TUB: variants seen among roughly 807,000 people sequenced by gnomAD.
The protein encoded by TUB is TUB bipartite transcription factor.
TUB carries 33 observed loss-of-function variants against 59.7 expected under a neutral mutation model. That is an observed-to-expected ratio of 0.55 (90% confidence interval 0.42 to 0.74). TUB has a LOEUF of 0.74. TUB is among the 30% of genes least tolerant of loss of function. The pLI is 0.00. For synonymous variants in TUB, 293 were observed against 256.4 expected (o/e 1.14, Z -1.36); for missense variants, 659 against 672.0 (o/e 0.98, Z 0.21).
chr11:8,104,862 T>TAAGAGAACTTTCGG lies in TUB; in HGVS notation c.*3245_*3258dup, dbSNP rs1458424501. 6.6e-6 allele frequency: 1 copy of TAAGAGAACTTTCGG among 150,852 alleles called. No homozygotes were observed. Among genetic ancestry groups the TAAGAGAACTTTCGG allele is most frequent in the African/African-American group, 2.4e-5 (1 of 41,050 alleles). 9.3% of individuals were successfully genotyped at this position (150,852 alleles called of 1,614,324 possible). On this transcript the variant is annotated 3_prime_UTR_variant, in exon 12 of 12. Coordinates refer to ENST00000299506, the MANE Select transcript of TUB (RefSeq NM_177972.3). ...CCAGGACTGTGATAATCAGAAGCTA[T>TAAGAGAACTTTCGG]AAGAGAACTTTCGGAGCCTGCCTCC...
chr11:8,084,421 T>C (rs1229200587), intron 1 of TUB, among the ~76,000 whole-genome samples: 1 of 152,242 alleles, frequency 6.6e-6, no homozygotes, highest in Non-Finnish European at 1.5e-5. Context: ...CCAGTTTCTC[T>C]TTACCTGTGT....
chr11:8,037,154 A>T (rs1942658440), upstream of TUB, among the ~76,000 whole-genome samples: 1 of 152,214 alleles, frequency 6.6e-6, no homozygotes, highest in Non-Finnish European at 1.5e-5. Flanking sequence ...CCCACCTGGC[A>T]GGTGCCGGCA....
At chr11:8,080,953 G>GGGA (rs1564913385), upstream of TUB, among the ~76,000 whole-genome samples, 1 of 152,244 alleles carries the variant, frequency 6.6e-6, no homozygotes, top group East Asian at 1.9e-4. Context: ...CAGGTACACA[G>GGGA]GGAGGTGTTC....
chr11:8,054,416 C>T (rs1942983240), intron 2 of TUB, among the ~76,000 whole-genome samples: 1 of 152,110 alleles, frequency 6.6e-6, no homozygotes, highest in Non-Finnish European at 1.5e-5. Context: ...TCCACATGCC[C>T]CTCCTTGGGC....
chr11:8,085,400 A>T (rs1943647259), intron 1 of TUB, among the ~76,000 whole-genome samples: 1 of 152,224 alleles, frequency 6.6e-6, no homozygotes, highest in South Asian at 2.1e-4. Flanking sequence ...GGGACGGCAC[A>T]TCCTGGGAGG....
chr11:8,033,591 C>T (rs1942605842), intron 1 of TUB, among the ~76,000 whole-genome samples: 1 of 152,196 alleles, frequency 6.6e-6, no homozygotes, highest in Non-Finnish European at 1.5e-5. Flanking sequence ...TACCTGCCTG[C>T]TTATACTCCT....
At chr11:8,020,351 A>G (rs2133692809) in intron 1 of TUB, among the ~76,000 whole-genome samples, 1 of 152,054 alleles carries the variant, frequency 6.6e-6, no homozygotes, top group Admixed American at 6.5e-5. Context: ...TCCTTCCCTT[A>G]ACTCTGCCAA....
At position 8,100,975 on chromosome 11, in the gene TUB, C is replaced by T. The variant is rs1944269159; in HGVS notation, c.1365C>T (p.Phe455=). ...GRVTQASVKN[F]QIIHGNDPDY... ...TCACACAGGCCTCCGTGAAGAACTTCCAGATCATCCATGGCAATGACCGTG... is the reference window on the plus strand; with the variant it reads ...TCACACAGGCCTCCGTGAAGAACTTTCAGATCATCCATGGCAATGACCGTG... The change falls in exon 11 of 12, where the codon TTC becomes TTT. Residue 455 remains phenylalanine (F), a synonymous_variant. Transcript: ENST00000299506. 9.3e-6 allele frequency: 15 copies of T among 1,614,062 alleles called. No homozygotes were observed. Among genetic ancestry groups the T allele is most frequent in the Admixed American group, 1.7e-5 (1 of 60,002 alleles).
intron 2 of TUB, among the ~76,000 whole-genome samples, chr11:8,063,952 TG>T (rs1319998077): frequency 2.0e-5 from 3 of 152,212 alleles, no homozygotes; most frequent in Non-Finnish European, 4.4e-5. Flanking sequence ...TTAATGCCGT[TG>T]TTTCAATGAT....
Position 8,081,507 on chromosome 11 carries a change from A to G in TUB, c.-4A>G, listed in dbSNP as rs1378707299. ...CCGCAGCCACCGCCCCGCCCCCGAGAGACATGACTTCCAAGCCGCATTCCG... is the reference window on the plus strand; with the variant it reads ...CCGCAGCCACCGCCCCGCCCCCGAGGGACATGACTTCCAAGCCGCATTCCG... On this transcript the variant is annotated 5_prime_UTR_variant, in exon 1 of 12. Coordinates refer to ENST00000299506, the MANE Select transcript of TUB (RefSeq NM_177972.3). The G allele has an allele frequency of 2.0e-6, 3 of 1,537,592 alleles. No individual in the cohort carries two copies. The highest frequency in any genetic ancestry group is 1.2e-5 in the South Asian group (1 of 83,754).
At chr11:8,080,157 C>G (rs544434746), upstream of TUB, among the ~76,000 whole-genome samples, 31 of 152,300 alleles carry the variant, frequency 2.0e-4, no homozygotes. Flanking sequence ...TCCTGACCGC[C>G]TATTTATCAT....
chr11:8,037,345 G>A (rs572172121), upstream of TUB, among the ~76,000 whole-genome samples: 17 of 152,304 alleles, frequency 1.1e-4, 1 homozygote, highest in African/African-American at 3.1e-4. Flanking sequence ...GATGAGATGC[G>A]CTTCTCAGCT....
rs1433190739 is a variant in TUB, at chr11:8,081,332, A to G, written c.-179A>G. On this transcript the variant is annotated 5_prime_UTR_variant, in exon 1 of 12. Coordinates refer to ENST00000299506, the MANE Select transcript of TUB (RefSeq NM_177972.3). ...TCTCGCCTCGCCGCGCCGCGCAGGCAGCCGCTCGCAGAGCCAGCAGCCGGG... is the reference window on the plus strand; with the variant it reads ...TCTCGCCTCGCCGCGCCGCGCAGGCGGCCGCTCGCAGAGCCAGCAGCCGGG... The G allele has an allele frequency of 1.0e-6, 1 of 977,238 alleles. No individual in the cohort carries two copies. 60.5% of individuals were successfully genotyped at this position (977,238 alleles called of 1,614,324 possible).
At chr11:8,060,660 T>A (rs1425209530) in intron 2 of TUB, among the ~76,000 whole-genome samples, 1 of 152,068 alleles carries the variant, frequency 6.6e-6, no homozygotes, top group Non-Finnish European at 1.5e-5. Context: ...AGTGTGGAAA[T>A]CTAGTCCCAC....
chr11:8,021,920 A>G (rs1408973915), intron 1 of TUB, among the ~76,000 whole-genome samples: 1 of 151,372 alleles, frequency 6.6e-6, no homozygotes, highest in African/African-American at 2.4e-5. Context: ...CAGCTCAAAA[A>G]AAAAAAAAAA....
In TUB at chr11:8,098,821, A is replaced by G. The variant is rs770123539; in HGVS notation, c.1062A>G (p.Ser354=). The G allele has an allele frequency of 3.1e-6, 5 of 1,614,210 alleles. No homozygotes were observed. The highest frequency in any genetic ancestry group is 2.5e-6 in the Non-Finnish European group (3 of 1,180,040). ...ATGGAGTCAACCCTCAGAAGGCCTC[A>G]TCCTCCACTTTGGAAAGTGGAACCT... ...YDNGVNPQKA[S]SSTLESGTLR... The change falls in exon 9 of 12, where the codon TCA becomes TCG. Residue 354 remains serine, a synonymous_variant. Coordinates refer to ENST00000299506, the MANE Select transcript of TUB (RefSeq NM_177972.3).
At chr11:8,027,406 T>C (rs538329619) in intron 1 of TUB, among the ~76,000 whole-genome samples, 119 of 152,368 alleles carry the variant, frequency 7.8e-4, no homozygotes, top group African/African-American at 2.9e-3. Context: ...CTTAGCATAA[T>C]GTTTTCAAGA....
intron 3 of TUB, 123 bp downstream of exon 3, chr11:8,090,354 C>A: frequency 7.4e-7 from 1 of 1,346,026 alleles, no homozygotes; most frequent in Non-Finnish European, 1.0e-6. Flanking sequence ...GGCTTCCAGC[C>A]CAGGCAGACA....
chr11:8,100,530 C>T lies in TUB; in HGVS notation c.1144C>T (p.Pro382Ser), dbSNP rs1482002037. The T allele has an allele frequency of 5.6e-6, 9 of 1,613,974 alleles. No homozygotes were observed. The highest frequency in any genetic ancestry group is 7.6e-6 in the Non-Finnish European group (9 of 1,180,016). Residue 382 changes from proline to serine, a missense_variant, in exon 10 of 12, where the codon CCT (proline) becomes TCT (serine). By Grantham distance (74) the Pro-to-Ser change is moderately conservative. This residue lies in a region of TUB where 226 missense variants were observed against 210.8 expected (regional missense o/e 1.07). Transcript: ENST00000299506. ...YETNVLGFKG[P>S]RKMSVIVPGM... ...GACAAACGTCTTAGGCTTCAAGGGG[C>T]CTCGGAAGATGAGCGTGATTGTCCC...
Sources: gnomAD v4.1 joint callset for allele counts (sites outside exome capture counted in the v4.1 genomes callset) on GRCh38, gnomAD v4.1.1 for gene constraint, gnomAD v4.1.1 regional missense constraint, MANE v1.5 for transcripts, NCBI Gene and HGNC (gene_info 2026-07-23, HGNC 2026-07-21) for gene names.